Variants in KLF12 observed in about 807,000 individuals in gnomAD.
The protein encoded by KLF12 is Krueppel-like factor 12.
A neutral mutation model predicts 37.8 loss-of-function variants in KLF12; 9 were observed. The ratio of observed to expected loss-of-function variants is 0.24; its 90% confidence interval spans 0.14 to 0.42. The LOEUF (loss-of-function observed/expected upper bound fraction) is 0.42, where lower values mean the gene tolerates loss of function less well. Among genes scored for constraint, KLF12 ranks in the 10% least tolerant of loss-of-function variants. KLF12 has a pLI of 1.00. For synonymous variants in KLF12, 208 were observed against 202.1 expected, an observed-to-expected ratio of 1.03 and a Z score of -0.25; for missense variants, 411 against 516.0, an observed-to-expected ratio of 0.80 and a Z score of 1.97.
intron 1 of KLF12, among the ~76,000 whole-genome samples, chr13:74,101,984 C>G (rs1412361542): frequency 1.3e-5 from 2 of 151,768 alleles, no homozygotes; most frequent in East Asian, 3.9e-4. Flanking sequence ...CTTTGGGAGG[C>G]CGAGACGGGC....
chr13:74,026,466 A>T (rs903530065), intron 1 of KLF12, among the ~76,000 whole-genome samples: 5 of 152,172 alleles, frequency 3.3e-5, no homozygotes, highest in Admixed American at 6.5e-5. Flanking sequence ...TAAAAAGAAA[A>T]TTAAAATAGT....
the KLF12 span, among the ~76,000 whole-genome samples, chr13:74,224,565 T>C: frequency 6.6e-6 from 1 of 152,214 alleles, no homozygotes; most frequent in Non-Finnish European, 1.5e-5. Flanking sequence ...GAGCTCTTCC[T>C]CAGTTTTATT....
At chr13:74,034,923 C>T (rs1191665956) in intron 1 of KLF12, among the ~76,000 whole-genome samples, 1 of 152,310 alleles carries the variant, frequency 6.6e-6, no homozygotes, top group East Asian at 1.9e-4. Context: ...ACCCATATAC[C>T]TCTGTTCTGA....
intron 1 of KLF12, among the ~76,000 whole-genome samples, chr13:74,120,238 T>C (rs1316025482): frequency 6.6e-6 from 1 of 152,194 alleles, no homozygotes; most frequent in South Asian, 2.1e-4. Flanking sequence ...TCCCAGCACT[T>C]TGGGAGGCCA....
At chr13:73,969,378 A>G (rs1388169289) in intron 2 of KLF12, among the ~76,000 whole-genome samples, 1 of 152,230 alleles carries the variant, frequency 6.6e-6, no homozygotes, top group East Asian at 1.9e-4. Context: ...ACTGCTGGCA[A>G]ACAGGCCCCA....
At chr13:73,976,401 T>C (rs1268289161) in intron 2 of KLF12, among the ~76,000 whole-genome samples, 21 of 152,164 alleles carry the variant, frequency 1.4e-4, no homozygotes, top group Admixed American at 1.4e-3. Flanking sequence ...TCACACTCTC[T>C]CTTTCAGATC....
the KLF12 span, among the ~76,000 whole-genome samples, chr13:74,182,971 C>T: frequency 2.0e-5 from 3 of 152,072 alleles, no homozygotes; most frequent in East Asian, 3.9e-4. Context: ...TCTCCAGGAA[C>T]ATCATGTGAG....
At chr13:73,748,542 A>T (rs968484140) in intron 6 of KLF12, among the ~76,000 whole-genome samples, 1 of 152,158 alleles carries the variant, frequency 6.6e-6, no homozygotes, top group Non-Finnish European at 1.5e-5. Flanking sequence ...GAGGACATAG[A>T]GAAAAGGTGC....
At chr13:74,067,457 C>T (rs1319307001) in intron 1 of KLF12, among the ~76,000 whole-genome samples, 2 of 152,082 alleles carry the variant, frequency 1.3e-5, no homozygotes, top group African/African-American at 4.8e-5. Flanking sequence ...GTTAAAAACT[C>T]AAGAGGAAAT....
chr13:73,979,179 T>C (rs974012297), intron 2 of KLF12, among the ~76,000 whole-genome samples: 6 of 152,288 alleles, frequency 3.9e-5, no homozygotes, highest in African/African-American at 9.6e-5. Context: ...GTGATAATGA[T>C]ACCTCAAGGT....
chr13:73,908,279 T>C (rs1888398303), intron 3 of KLF12, among the ~76,000 whole-genome samples: 1 of 148,962 alleles, frequency 6.7e-6, no homozygotes, highest in African/African-American at 2.5e-5. Context: ...TGCGTGCCTG[T>C]AGTCCCAAGC....
intron 6 of KLF12, among the ~76,000 whole-genome samples, chr13:73,731,534 G>GTCAA (rs1877057993): frequency 1.1e-4 from 1 of 8,736 alleles, no homozygotes; most frequent in Non-Finnish European, 2.4e-4. Context: ...GAGGAAATTA[G>GTCAA]ACAAAAAAAA....
intron 6 of KLF12, among the ~76,000 whole-genome samples, chr13:73,725,379 C>A (rs1157813692): frequency 6.6e-6 from 1 of 152,084 alleles, no homozygotes; most frequent in African/African-American, 2.4e-5. Flanking sequence ...GGATTACAGG[C>A]GTGAGCCATC....
chr13:73,780,495 T>C (rs1880897463), intron 5 of KLF12, among the ~76,000 whole-genome samples: 1 of 152,106 alleles, frequency 6.6e-6, no homozygotes, highest in Non-Finnish European at 1.5e-5. Context: ...TCTTTTTTCT[T>C]TGAGACGGAG....
intron 3 of KLF12, among the ~76,000 whole-genome samples, chr13:73,881,064 A>G (rs932077025): frequency 6.6e-6 from 1 of 152,232 alleles, no homozygotes; most frequent in African/African-American, 2.4e-5. Context: ...TAGAGATAAC[A>G]AAAGTCAAAT....
rs537504311 is a variant in KLF12, at chr13:73,688,819, T to C, written c.*6671A>G. ...ATAAAATTACTGAGAGTCAGGAATCTGGGAAGGTGGTTTCGGGACACCCAC... is the reference window on the plus strand; with the variant it reads ...ATAAAATTACTGAGAGTCAGGAATCCGGGAAGGTGGTTTCGGGACACCCAC... On this transcript the variant is annotated 3_prime_UTR_variant, in exon 8 of 8. Transcript: ENST00000377669. 1.3e-5 allele frequency: 2 copies of C among 152,168 alleles called. No homozygotes were observed. Among genetic ancestry groups the C allele is most frequent in the Non-Finnish European group, 2.9e-5 (2 of 68,038 alleles). 9.4% of individuals were successfully genotyped at this position (152,168 alleles called of 1,614,324 possible). A position where few individuals can be genotyped will look rare whatever the true frequency, so the allele number is the denominator to read the frequency against.
the KLF12 span, among the ~76,000 whole-genome samples, chr13:74,304,902 A>C: frequency 5.9e-5 from 9 of 152,038 alleles, no homozygotes; most frequent in Non-Finnish European, 1.3e-4. Flanking sequence ...TCTACAAGAC[A>C]TTTTCTGTCA....
At chr13:73,748,006 A>G (rs1878488461) in intron 6 of KLF12, among the ~76,000 whole-genome samples, 1 of 152,232 alleles carries the variant, frequency 6.6e-6, no homozygotes, top group African/African-American at 2.4e-5. Context: ...ACAAAGTACA[A>G]TGTCCATTTC....
intron 1 of KLF12, among the ~76,000 whole-genome samples, chr13:74,017,290 A>T (rs1289008601): frequency 8.6e-6 from 1 of 116,212 alleles, no homozygotes; most frequent in African/African-American, 3.2e-5. Context: ...AAAAAAAAAA[A>T]GTCAACACAT....
Sources: allele counts gnomAD v4.1 joint callset (sites outside exome capture counted in the v4.1 genomes callset), GRCh38; gene constraint gnomAD v4.1.1; transcripts MANE v1.5; gene names NCBI Gene and HGNC (gene_info 2026-07-23, HGNC 2026-07-21).